The following CDKL1 variants were observed in gnomAD, a reference collection of about 807,000 sequenced individuals.
CDKL1 encodes the protein cyclin dependent kinase like 1.
In CDKL1, 41 loss-of-function variants were observed where a neutral mutation model predicts 42.0. The ratio of observed to expected loss-of-function variants is 0.98; its 90% CI spans 0.76 to 1.27. The LOEUF (loss-of-function observed/expected upper bound fraction) is 1.27, where lower values mean the gene tolerates loss of function less well. Ranked by LOEUF, CDKL1 falls within the 50% of genes most tolerant of loss-of-function variation. The pLI is 0.00. For missense variants in CDKL1, 394 were observed against 428.4 expected (o/e 0.92, Z 0.71); for synonymous variants, 153 against 158.6 (o/e 0.96, Z 0.26).
At chr14:50,373,607 A>G (rs765294192) in intron 2 of CDKL1, among the ~76,000 whole-genome samples, 4 of 152,234 alleles carry the variant, frequency 2.6e-5, no homozygotes, top group Admixed American at 6.5e-5. Context: ...TGAGCAAAAG[A>G]TCTGAGCAGA....
intron 8 of CDKL1, chr14:50,333,020 T>C (rs1378715263): frequency 5.0e-6 from 1 of 199,968 alleles, no homozygotes. Flanking sequence ...TACATCATTC[T>C]TAACTATTTT....
chr14:50,342,366 A>T (rs750045342), intron 4 of CDKL1, 144 bp from the exon 5 acceptor site: 2 of 1,456,160 alleles, frequency 1.4e-6, no homozygotes, highest in Non-Finnish European at 1.8e-6. Context: ...AGCAGCCTAA[A>T]ATAAATCTAG....
intron 3 of CDKL1, among the ~76,000 whole-genome samples, chr14:50,348,227 G>T (rs2033790250): frequency 6.6e-6 from 1 of 152,194 alleles, no homozygotes; most frequent in South Asian, 2.1e-4. Context: ...TCCTCAAAAG[G>T]CTCGGGAAGT....
chr14:50,350,538 T>C (rs2033870666), intron 3 of CDKL1, among the ~76,000 whole-genome samples: 1 of 152,188 alleles, frequency 6.6e-6, no homozygotes, highest in Non-Finnish European at 1.5e-5. Context: ...TGATTGAACT[T>C]TAGACGAGCC....
In CDKL1 at chr14:50,342,210, C is replaced by T; in HGVS notation, c.376G>A (p.Asp126Asn). 6.2e-7 allele frequency: 1 copy of T among 1,613,710 alleles called. No individual in the cohort carries two copies. The highest frequency in any genetic ancestry group is 8.5e-7 in the Non-Finnish European group (1 of 1,179,658). ...FCHKHNCIHR[D>N]VKPENILITK... Reference sequence around the variant, plus strand: ...ATGAGGATATTTTCTGGCTTCACGTCTCTATGTATGCACTAGTGTAACAAA... The same window carrying T: ...ATGAGGATATTTTCTGGCTTCACGTTTCTATGTATGCACTAGTGTAACAAA... The change falls in exon 5 of 10, where the codon GAC (aspartate) becomes AAC (asparagine). Residue 126 changes from aspartate to asparagine, a missense_variant. Transcript: ENST00000395834.
intron 2 of CDKL1, among the ~76,000 whole-genome samples, chr14:50,368,756 T>G (rs907105117): frequency 1.3e-5 from 2 of 152,160 alleles, no homozygotes; most frequent in African/African-American, 4.8e-5. Context: ...CCCTCTGTCT[T>G]CATTGGGCAC....
At chr14:50,390,352 G>A (rs759992866) in intron 2 of CDKL1, 2 of 1,366,132 alleles carry the variant, frequency 1.5e-6, no homozygotes, top group Non-Finnish European at 9.8e-7. Flanking sequence ...TCCGCTAGGA[G>A]CATCTACTTT....
chr14:50,365,890 C>T (rs745722730), intron 2 of CDKL1, among the ~76,000 whole-genome samples: 1 of 152,222 alleles, frequency 6.6e-6, no homozygotes, highest in African/African-American at 2.4e-5. Flanking sequence ...TGCCCTCGAA[C>T]ATTAGACTCC....
At chr14:50,373,220 A>T (rs1408202903) in intron 2 of CDKL1, among the ~76,000 whole-genome samples, 1 of 152,218 alleles carries the variant, frequency 6.6e-6, no homozygotes, top group Non-Finnish European at 1.5e-5. Context: ...TATTTGTTAA[A>T]GTTGCAACAA....
At chr14:50,359,744 T>G (rs2034180057) in intron 2 of CDKL1, among the ~76,000 whole-genome samples, 1 of 148,998 alleles carries the variant, frequency 6.7e-6, no homozygotes, top group South Asian at 2.1e-4. Flanking sequence ...ATAACAGGCA[T>G]TCCATCGTTA....
intron 3 of CDKL1, among the ~76,000 whole-genome samples, chr14:50,348,902 ATAC>A (rs1304093310): frequency 6.6e-6 from 1 of 152,202 alleles, no homozygotes; most frequent in Non-Finnish European, 1.5e-5. Flanking sequence ...TAAGAACAGG[ATAC>A]TACAAGAAAA....
chr14:50,333,793 TAAA>T (rs1566571511), intron 8 of CDKL1: 1 of 151,934 alleles, frequency 6.6e-6, no homozygotes, highest in Non-Finnish European at 1.5e-5. Flanking sequence ...CATCAGTAAA[TAAA>T]TAATTTTTAA....
chr14:50,334,831 G>GTAAC (rs2033165362), intron 7 of CDKL1: 4 of 515,458 alleles, frequency 7.8e-6, no homozygotes. Flanking sequence ...AATTTGCTTC[G>GTAAC]TAACTACTCC....
intron 2 of CDKL1, among the ~76,000 whole-genome samples, chr14:50,389,768 C>T (rs1342389058): frequency 6.6e-6 from 1 of 152,182 alleles, no homozygotes; most frequent in Non-Finnish European, 1.5e-5. Flanking sequence ...CCACAAATCT[C>T]ACAGCTAAGG....
rs1177432632 is a variant in CDKL1 at position 50,326,615 on chromosome 14, G to T, written c.*3459C>A. 1 of 985,266 alleles carries T rather than the reference G, an allele frequency of 1.0e-6. No homozygotes were observed. Among genetic ancestry groups the T allele is most frequent in the Non-Finnish European group, 1.2e-6 (1 of 829,924 alleles). 61.0% of individuals were successfully genotyped at this position (985,266 alleles called of 1,614,324 possible). Reference sequence around the variant, plus strand: ...AGTTGCTGCTTAATTTGTCTATTTTGTAAGCTTAGGCTACTATTTTATTAA... The same window carrying T: ...AGTTGCTGCTTAATTTGTCTATTTTTTAAGCTTAGGCTACTATTTTATTAA... On this transcript the variant is annotated 3_prime_UTR_variant, in exon 10 of 10. Transcript: ENST00000395834.
In CDKL1 at chr14:50,395,773, G is replaced by C. The variant is rs773054348; in HGVS notation, c.96C>G (p.Ile32Met). The change falls in exon 2 of 10, where the codon ATC becomes ATG. Residue 32 changes from isoleucine (I) to methionine (M), a missense_variant. Physicochemically the swap from Ile to Met is conservative, Grantham distance 10 (BLOSUM62 1). Transcript: ENST00000395834. ...CATCTTCTGATTCCAGAAACTTCTT[G>C]ATGGCCACAATCTGACCCGTGTCCC... ...RNRDTGQIVA[I>M]KKFLESEDDP... 1.2e-5 allele frequency: 20 copies of C among 1,613,854 alleles called. No individual in the cohort carries two copies. In the East Asian group the frequency reaches 4.5e-4, roughly 36 times the overall value.
chr14:50,339,785 T>C (rs2033445349), intron 6 of CDKL1, among the ~76,000 whole-genome samples: 1 of 152,158 alleles, frequency 6.6e-6, no homozygotes, highest in South Asian at 2.1e-4. Context: ...TAAAATCCCC[T>C]TTATGTAAAA....
chr14:50,351,688 T>C (rs1226428260), intron 3 of CDKL1, among the ~76,000 whole-genome samples: 1 of 151,040 alleles, frequency 6.6e-6, no homozygotes, highest in East Asian at 1.9e-4. Flanking sequence ...TGAGCTATGA[T>C]TGGGCCACTG....
At chr14:50,363,560 T>C (rs1201681725) in intron 2 of CDKL1, among the ~76,000 whole-genome samples, 3 of 152,242 alleles carry the variant, frequency 2.0e-5, no homozygotes, top group Non-Finnish European at 4.4e-5. Flanking sequence ...ACTTTCATTT[T>C]CACACTATTT....
Sources: gnomAD v4.1 joint callset for allele counts (sites outside exome capture counted in the v4.1 genomes callset) on GRCh38, gnomAD v4.1.1 for gene constraint, MANE v1.5 for transcripts, NCBI Gene and HGNC (gene_info 2026-07-23, HGNC 2026-07-21) for gene names.